Variants in LRRC7 observed in about 807,000 individuals in gnomAD.
LRRC7 encodes leucine-rich repeat-containing protein 7.
In LRRC7, 23 loss-of-function variants were observed where a neutral mutation model predicts 175.7. The ratio of observed to expected loss-of-function variants is 0.13; its 90% confidence interval spans 0.09 to 0.19. The LOEUF (loss-of-function observed/expected upper bound fraction) is 0.19, where lower values mean the gene tolerates loss of function less well. Among genes scored for constraint, LRRC7 ranks in the 10% least tolerant of loss-of-function variants. The pLI is 1.00. For synonymous variants in LRRC7, 685 were observed against 680.9 expected (o/e 1.01, Z -0.09); for missense variants, 1,354 against 1,904.7 (o/e 0.71, Z 5.38).
intron 1 of LRRC7, among the ~76,000 whole-genome samples, chr1:69,620,264 T>C (rs1386305436): frequency 2.5e-5 from 1 of 40,224 alleles, no homozygotes; most frequent in African/African-American, 1.2e-4. Context: ...TTGATAACTA[T>C]TTACATTTTT....
chr1:69,670,752 C>T (rs950571281), intron 1 of LRRC7, among the ~76,000 whole-genome samples: 1 of 152,186 alleles, frequency 6.6e-6, no homozygotes, highest in African/African-American at 2.4e-5. Context: ...CTTCCCTCCT[C>T]TTTCCATTGG....
Position 70,038,261 on chromosome 1 carries a change from G to T in LRRC7, c.2437G>T (p.Asp813Tyr). The change falls in exon 21 of 27, where the codon GAC becomes TAC. Residue 813 changes from aspartate (D) to tyrosine (Y), a missense_variant. This residue lies in a region of LRRC7 where 1,032 missense variants were observed against 1,227.2 expected (regional missense o/e 0.84). Coordinates refer to ENST00000651989, the MANE Select transcript of LRRC7 (RefSeq NM_001370785.2). ...TDNWTDGSHY[D>Y]NTGFVAEETT... ...CAACTGGACTGATGGCTCGCATTAT[G>T]ACAACACAGGGTTTGTTGCTGAGGA... The T allele has an allele frequency of 1.2e-6, 2 of 1,614,102 alleles. No homozygotes were observed. The highest frequency in any genetic ancestry group is 1.7e-6 in the Non-Finnish European group (2 of 1,180,006).
rs989919854 is a variant in LRRC7 at position 69,579,938 on chromosome 1, T to A, written c.2+11297T>A. Among the ~76,000 whole-genome samples the A allele has an allele frequency of 5.3e-5, 8 of 151,932 alleles. No homozygotes were observed. The South Asian group carries it at 1.0e-3, about 20-fold the overall frequency. On this transcript the variant is annotated intron_variant, in intron 1 of 26. Coordinates refer to ENST00000651989, the MANE Select transcript of LRRC7 (RefSeq NM_001370785.2). ...TGTGAGCCACTGCACCTGGCCTGAA[T>A]AGAAGTGTTTATGACCCAGTGCACT...
At chr1:69,627,921 A>T (rs1163051109) in intron 1 of LRRC7, among the ~76,000 whole-genome samples, 1 of 145,282 alleles carries the variant, frequency 6.9e-6, no homozygotes, top group Non-Finnish European at 1.6e-5. Context: ...CAACATAATC[A>T]GTTTTTACAA....
chr1:70,071,444 G>A (rs1662379618), intron 23 of LRRC7, among the ~76,000 whole-genome samples: 1 of 151,894 alleles, frequency 6.6e-6, no homozygotes, highest in African/African-American at 2.4e-5. Context: ...CCTGGAAGCA[G>A]GTGTCCCACT....
chr1:69,770,110 T>A (rs952052824), intron 3 of LRRC7, among the ~76,000 whole-genome samples: 1 of 152,208 alleles, frequency 6.6e-6, no homozygotes, highest in Non-Finnish European at 1.5e-5. Flanking sequence ...AAGACCTCCA[T>A]GTAACCGTGA....
intron 23 of LRRC7, among the ~76,000 whole-genome samples, chr1:70,075,468 T>C (rs761245668): frequency 2.6e-5 from 4 of 152,218 alleles, no homozygotes; most frequent in Non-Finnish European, 5.9e-5. Flanking sequence ...CTCTGAAAGC[T>C]CATGACTAGA....
chr1:69,634,186 C>G (rs1006755278), intron 1 of LRRC7, among the ~76,000 whole-genome samples: 1 of 151,904 alleles, frequency 6.6e-6, no homozygotes, highest in African/African-American at 2.4e-5. Flanking sequence ...TATGAATATA[C>G]TCATTTTACA....
At chr1:70,055,436 T>C (rs1216558165) in intron 23 of LRRC7, among the ~76,000 whole-genome samples, 1 of 152,210 alleles carries the variant, frequency 6.6e-6, no homozygotes, top group East Asian at 1.9e-4. Flanking sequence ...AGGAAGATTC[T>C]ATAGTAATTC....
chr1:69,785,970 G>A (rs1436496035), intron 3 of LRRC7, among the ~76,000 whole-genome samples: 1 of 151,996 alleles, frequency 6.6e-6, no homozygotes, highest in Non-Finnish European at 1.5e-5. Flanking sequence ...CATATTAAGT[G>A]CATTTATTTT....
chr1:69,825,900 G>A, intron 5 of LRRC7, 74 bp downstream of exon 5: 1 of 869,670 alleles, frequency 1.1e-6, no homozygotes, highest in East Asian at 3.0e-5. Context: ...TAGAGGAAAT[G>A]CACATCATAA....
chr1:69,654,062 A>C (rs1351028566), intron 1 of LRRC7, among the ~76,000 whole-genome samples: 2 of 152,000 alleles, frequency 1.3e-5, no homozygotes, highest in Admixed American at 6.6e-5. Context: ...ATAATTAATA[A>C]TCCTGTAATG....
intron 3 of LRRC7, among the ~76,000 whole-genome samples, chr1:69,778,754 C>A (rs1462526838): frequency 6.6e-6 from 1 of 152,044 alleles, no homozygotes; most frequent in Admixed American, 6.6e-5. Flanking sequence ...GAGAAAATCT[C>A]CAGTTATACC....
At chr1:69,662,349 T>C (rs907012077) in intron 1 of LRRC7, among the ~76,000 whole-genome samples, 1 of 152,228 alleles carries the variant, frequency 6.6e-6, no homozygotes, top group African/African-American at 2.4e-5. Flanking sequence ...ACATTCATAA[T>C]GATACCAATC....
chr1:70,012,927 A>C lies in LRRC7; in HGVS notation c.1135-47A>C, dbSNP rs577247601. 15 of 909,850 alleles carry C rather than the reference A, an allele frequency of 1.6e-5. No homozygotes were observed. The East Asian group carries it at 4.2e-4, about 26-fold the overall frequency. The allele number at this position is 909,850 out of a possible 1,614,324, so 56.4% of individuals were successfully genotyped here. A position where few individuals can be genotyped will look rare whatever the true frequency, so the allele number is the denominator to read the frequency against. On this transcript the variant is annotated intron_variant, in intron 12 of 26. Coordinates refer to ENST00000651989, the MANE Select transcript of LRRC7 (RefSeq NM_001370785.2). Reference sequence around the variant, plus strand: ...AAATTAGAAAAATTAATATAAAAATAGTATTGTGGTCTGATTTTTTTACCT... The same window carrying C: ...AAATTAGAAAAATTAATATAAAAATCGTATTGTGGTCTGATTTTTTTACCT...
At chr1:69,742,235 T>C (rs1338760931) in intron 2 of LRRC7, among the ~76,000 whole-genome samples, 1 of 151,998 alleles carries the variant, frequency 6.6e-6, no homozygotes, top group African/African-American at 2.4e-5. Flanking sequence ...TTATTTTACA[T>C]ATGAAAAACT....
chr1:69,923,343 T>C lies in LRRC7; in HGVS notation c.648-8164T>C, dbSNP rs560109964. Among the ~76,000 whole-genome samples, 131 of 152,336 alleles carry C rather than the reference T, an allele frequency of 8.6e-4. 2 individuals are homozygous for C. Among genetic ancestry groups the C allele is most frequent in the African/African-American group, 2.9e-3 (121 of 41,572 alleles). On this transcript the variant is annotated intron_variant, in intron 7 of 26. Coordinates refer to ENST00000651989, the MANE Select transcript of LRRC7 (RefSeq NM_001370785.2). ...TTTGGGTATATACCCAGTAATGGGA[T>C]GGCTGGGTCAAATGGTATTACTAGT...
intron 24 of LRRC7, among the ~76,000 whole-genome samples, chr1:70,081,833 G>A (rs1419832807): frequency 1.3e-5 from 2 of 152,146 alleles, no homozygotes; most frequent in Non-Finnish European, 2.9e-5. Flanking sequence ...GAGCTCCATG[G>A]CTGTCTCCTG....
chr1:69,574,980 T>C (rs1569599151), intron 1 of LRRC7, among the ~76,000 whole-genome samples: 2 of 152,260 alleles, frequency 1.3e-5, no homozygotes, highest in African/African-American at 4.8e-5. Context: ...TATCGTATTG[T>C]TGAACACTGG....
Sources: gnomAD v4.1 joint callset for allele counts (sites outside exome capture counted in the v4.1 genomes callset) on GRCh38, gnomAD v4.1.1 for gene constraint, gnomAD v4.1.1 regional missense constraint, MANE v1.5 for transcripts, NCBI Gene and HGNC (gene_info 2026-07-23, HGNC 2026-07-21) for gene names.